Variants in CALN1 observed in about 807,000 individuals in gnomAD.
CALN1 encodes calneuron 1.
CALN1 carries 17 observed loss-of-function variants against 30.6 expected under a neutral mutation model. The ratio of observed to expected loss-of-function variants is 0.56; its 90% CI spans 0.38 to 0.83. CALN1 has a LOEUF of 0.83. Among genes scored for constraint, CALN1 ranks in the 40% least tolerant of loss-of-function variants. The pLI, the probability that CALN1 is intolerant of heterozygous loss-of-function variation, is 0.00. For missense variants in CALN1, 291 were observed against 354.9 expected, an observed-to-expected ratio of 0.82 and a Z score of 1.45; for synonymous variants, 156 against 131.4, an observed-to-expected ratio of 1.19 and a Z score of -1.28.
At chr7:72,411,762 T>A (rs1335809675) in intron 1 of CALN1, among the ~76,000 whole-genome samples, 1 of 152,184 alleles carries the variant, frequency 6.6e-6, no homozygotes, top group Non-Finnish European at 1.5e-5. Flanking sequence ...AAAATTGACA[T>A]GAATGTAATT....
chr7:72,374,488 G>A (rs1474489822), intron 2 of CALN1, among the ~76,000 whole-genome samples: 1 of 141,264 alleles, frequency 7.1e-6, no homozygotes, highest in Non-Finnish European at 1.5e-5. Flanking sequence ...CCAAGATTGT[G>A]CCACAGCACT....
intron 2 of CALN1, among the ~76,000 whole-genome samples, chr7:72,319,234 T>A (rs1800706278): frequency 6.6e-6 from 1 of 152,138 alleles, no homozygotes; most frequent in African/African-American, 2.4e-5. Context: ...TACCCGAGAC[T>A]GGACAATTTA....
intron 3 of CALN1, among the ~76,000 whole-genome samples, chr7:72,254,156 A>C (rs995482875): frequency 6.6e-6 from 1 of 152,094 alleles, no homozygotes; most frequent in Admixed American, 6.5e-5. Flanking sequence ...TGCACAGAAT[A>C]CACAGGAACC....
At chr7:72,468,990 T>C in the CALN1 span, among the ~76,000 whole-genome samples, 2 of 152,344 alleles carry the variant, frequency 1.3e-5, no homozygotes, top group African/African-American at 4.8e-5. Context: ...GCAATTCTTT[T>C]CCCATTTTGT....
the CALN1 span, among the ~76,000 whole-genome samples, chr7:72,481,749 G>A: frequency 1.6e-4 from 25 of 151,992 alleles, no homozygotes; most frequent in South Asian, 4.2e-4. Context: ...TGATTTCCAC[G>A]TATTTGGGAA....
intron 1 of CALN1, among the ~76,000 whole-genome samples, chr7:72,410,857 A>C (rs1335389710): frequency 6.6e-6 from 1 of 152,228 alleles, no homozygotes; most frequent in Non-Finnish European, 1.5e-5. Context: ...ATCAGAAAAA[A>C]TACAAGGATG....
At chr7:72,308,524 T>C (rs1476561348) in intron 2 of CALN1, among the ~76,000 whole-genome samples, 1 of 152,206 alleles carries the variant, frequency 6.6e-6, no homozygotes, top group Non-Finnish European at 1.5e-5. Context: ...TTGAAAATGT[T>C]TGCTGAATGC....
intron 3 of CALN1, among the ~76,000 whole-genome samples, chr7:72,226,093 CAA>C (rs35950469): frequency 2.1e-4 from 24 of 111,846 alleles, no homozygotes; most frequent in Admixed American, 4.0e-4. Context: ...AGACTCCACC[CAA>C]AAAAAAAAAA....
chr7:72,280,031 G>A (rs901746885), intron 2 of CALN1, among the ~76,000 whole-genome samples: 1 of 152,212 alleles, frequency 6.6e-6, no homozygotes, highest in South Asian at 2.1e-4. Flanking sequence ...GTTAGTGACA[G>A]AAGTTGTTCT....
the CALN1 span, among the ~76,000 whole-genome samples, chr7:72,482,263 CT>C: frequency 6.6e-6 from 1 of 152,192 alleles, no homozygotes; most frequent in South Asian, 2.1e-4. Context: ...TATTTAAAGT[CT>C]GATTCTTATA....
chr7:72,298,997 C>CT (rs1210094496), intron 2 of CALN1, among the ~76,000 whole-genome samples: 4 of 152,070 alleles, frequency 2.6e-5, no homozygotes, highest in African/African-American at 9.7e-5. Context: ...TCTGGTATGT[C>CT]TTTATCAGCA....
At chr7:71,788,157 T>C (rs1370971688) in intron 6 of CALN1, among the ~76,000 whole-genome samples, 1 of 152,166 alleles carries the variant, frequency 6.6e-6, no homozygotes, top group Admixed American at 6.5e-5. Flanking sequence ...ATGGATGTGA[T>C]GATCAGAGTA....
chr7:72,376,281 A>G lies in CALN1; in HGVS notation c.119+26970T>C, dbSNP rs77815459. Among the ~76,000 whole-genome samples, 8 of 152,326 alleles carry G rather than the reference A, an allele frequency of 5.3e-5. No homozygotes were observed. The East Asian group carries it at 1.4e-3, about 26-fold the overall frequency. On this transcript the variant is annotated intron_variant, in intron 2 of 6. Transcript: ENST00000395275. ...TCTAGGAGTGGAACTGCTGGATCCT[A>G]TGGTAACTCTATGTTTACCCTTTGA...
intron 3 of CALN1, among the ~76,000 whole-genome samples, chr7:72,202,928 A>C (rs999059964): frequency 3.3e-5 from 5 of 152,338 alleles, no homozygotes; most frequent in African/African-American, 1.2e-4. Context: ...AAAGACTTGG[A>C]ACCAACCCAA....
At chr7:72,337,841 A>G (rs1802170278) in intron 2 of CALN1, 1 of 152,342 alleles carries the variant, frequency 6.6e-6, no homozygotes, top group Non-Finnish European at 1.5e-5. Context: ...TTCCAAGGTC[A>G]TAGAATGGAT....
the CALN1 span, among the ~76,000 whole-genome samples, chr7:72,494,032 A>C: frequency 6.6e-6 from 1 of 152,092 alleles, no homozygotes; most frequent in Non-Finnish European, 1.5e-5. Flanking sequence ...TCCACAGAAA[A>C]ATGAAAAAAT....
At chr7:71,947,195 G>T (rs1159047884) in intron 5 of CALN1, among the ~76,000 whole-genome samples, 1 of 151,994 alleles carries the variant, frequency 6.6e-6, no homozygotes, top group East Asian at 1.9e-4. Flanking sequence ...ATTTTTAGTA[G>T]AGACGGGGTT....
intron 3 of CALN1, among the ~76,000 whole-genome samples, chr7:72,186,195 C>T (rs1218328560): frequency 1.3e-5 from 2 of 152,028 alleles, no homozygotes; most frequent in Non-Finnish European, 2.9e-5. Flanking sequence ...GCCCTGCTGC[C>T]CCACCCATCA....
At chr7:71,843,576 T>C (rs983089399) in intron 5 of CALN1, among the ~76,000 whole-genome samples, 1 of 152,094 alleles carries the variant, frequency 6.6e-6, no homozygotes, top group East Asian at 1.9e-4. Context: ...TGAGCTATGA[T>C]TGTACCACTG....
Sources: gnomAD v4.1 joint callset for allele counts (sites outside exome capture counted in the v4.1 genomes callset) on GRCh38, gnomAD v4.1.1 for gene constraint, MANE v1.5 for transcripts, NCBI Gene and HGNC (gene_info 2026-07-23, HGNC 2026-07-21) for gene names.